COPG2: variants seen among roughly 807,000 people sequenced by gnomAD.
The protein encoded by COPG2 is coatomer subunit gamma-2.
Under a neutral mutation model 46.3 loss-of-function variants are expected in COPG2, and 37 were observed. That is an observed-to-expected ratio of 0.80 (90% CI 0.61 to 1.05). The LOEUF (loss-of-function observed/expected upper bound fraction) is 1.05. Ranked by LOEUF, COPG2 falls within the 50% of genes least tolerant of loss-of-function variation. The pLI is 0.00. For missense variants in COPG2, 427 were observed against 387.8 expected (o/e 1.10, Z -0.85); for synonymous variants, 159 against 129.7 (o/e 1.23, Z -1.53).
chr7:130,646,512 G>A lies in COPG2; in HGVS notation c.323+6357C>T, dbSNP rs549379966. On this transcript the variant is annotated intron_variant, in intron 5 of 23. Transcript: ENST00000425248. ...ATTATTTTCAAACGGATGTATTAGT[G>A]TCTCAAGCTAGTTACTGTTCGGACA... Among the ~76,000 whole-genome samples, 4 of 152,272 alleles carry A rather than the reference G, an allele frequency of 2.6e-5. No individual in the cohort carries two copies. In the East Asian group the frequency reaches 7.7e-4, roughly 29 times the overall value.
intron 9 of COPG2, among the ~76,000 whole-genome samples, chr7:130,606,240 AAGAGAG>A (rs145785936): frequency 1.3e-5 from 2 of 149,218 alleles, no homozygotes; most frequent in African/African-American, 5.0e-5. Context: ...AAAAAAAAGA[AAGAGAG>A]AGAGAGAGAG....
Position 130,509,229 on chromosome 7 carries a change from A to AAGTC in COPG2, c.2150-574_2150-571dup, listed in dbSNP as rs1799555686. 16 of 499,050 alleles carry AAGTC rather than the reference A, an allele frequency of 3.2e-5. 1 individual carries two copies. The highest frequency in any genetic ancestry group is 2.4e-4 in the South Asian group (16 of 67,534). 30.9% of individuals were successfully genotyped at this position (499,050 alleles called of 1,614,324 possible). On this transcript the variant is annotated intron_variant, in intron 20 of 23. Transcript: ENST00000425248. The stretch of plus-strand genomic sequence containing the variant: ...CAGTAATGAGTTTCTAGTATTGGTA[A>AAGTC]AGTCAGTGTCTTAAATGGAAAAGCA...
rs576600893 is a variant in COPG2, at chr7:130,662,043, A to G, written c.243+924T>C. 2.6e-5 allele frequency among the ~76,000 whole-genome samples: 4 copies of G among 152,316 alleles called. No homozygotes were observed. In the East Asian group the frequency reaches 7.7e-4, roughly 29 times the overall value. Reference sequence around the variant, plus strand: ...AATGGGGCCCTGAAAAGTAGAATGAAGATATATGGACAGACTCTGATGAAG... The same window carrying G: ...AATGGGGCCCTGAAAAGTAGAATGAGGATATATGGACAGACTCTGATGAAG... On this transcript the variant is annotated intron_variant, in intron 4 of 23. Transcript: ENST00000425248.
chr7:130,554,942 A>C, intron 13 of COPG2, 95 bp downstream of exon 13: 1 of 397,790 alleles, frequency 2.5e-6, no homozygotes, highest in Non-Finnish European at 4.4e-6. Context: ...AGGCATACTG[A>C]GATGATAAGG....
At chr7:130,585,356 T>C (rs1402990659) in intron 9 of COPG2, among the ~76,000 whole-genome samples, 1 of 152,068 alleles carries the variant, frequency 6.6e-6, no homozygotes, top group Non-Finnish European at 1.5e-5. Flanking sequence ...CCTGAAACTA[T>C]AAAAATCCTA....
intron 9 of COPG2, among the ~76,000 whole-genome samples, chr7:130,606,258 GAA>G (rs1180385592): frequency 6.9e-5 from 10 of 145,048 alleles, no homozygotes; most frequent in Non-Finnish European, 1.1e-4. Context: ...GAGAGAGAGA[GAA>G]AGAAAGAGAA....
intron 20 of COPG2, chr7:130,510,165 G>T (rs1554440848): frequency 7.7e-6 from 4 of 520,178 alleles, no homozygotes; most frequent in Non-Finnish European, 1.5e-5. Flanking sequence ...CACTGGTGGG[G>T]ACTATGAAGA....
intron 5 of COPG2, among the ~76,000 whole-genome samples, chr7:130,627,939 T>C (rs894733241): frequency 5.3e-5 from 8 of 152,200 alleles, no homozygotes; most frequent in African/African-American, 1.9e-4. Context: ...ACAACTGTAG[T>C]TGTAAAATTG....
At chr7:130,574,042 T>C (rs938155397) in intron 9 of COPG2, among the ~76,000 whole-genome samples, 20 of 152,156 alleles carry the variant, frequency 1.3e-4, no homozygotes, top group African/African-American at 3.6e-4. Flanking sequence ...GCTTTATATA[T>C]GAATGTTCAG....
chr7:130,583,175 T>C lies in COPG2; in HGVS notation c.738-18782A>G, dbSNP rs1209009007. On this transcript the variant is annotated intron_variant, in intron 9 of 23. Transcript: ENST00000425248. ...TGGAATACTATGCAGCCATAAAAAA[T>C]GATGAGTTCATGTTCTTTGTAGGGA... is the stretch of plus-strand genomic sequence containing the variant. 3.3e-5 allele frequency among the ~76,000 whole-genome samples: 5 copies of C among 151,062 alleles called. No individual in the cohort carries two copies. The East Asian group carries it at 7.8e-4, about 23-fold the overall frequency.
chr7:130,609,626 A>C (rs1554451743), intron 9 of COPG2, among the ~76,000 whole-genome samples: 1 of 152,148 alleles, frequency 6.6e-6, no homozygotes, highest in Non-Finnish European at 1.5e-5. Context: ...TCTGAGACTC[A>C]TTACACAAGT....
intron 9 of COPG2, among the ~76,000 whole-genome samples, chr7:130,603,083 A>G (rs1794666776): frequency 6.6e-6 from 1 of 152,216 alleles, no homozygotes; most frequent in Admixed American, 6.5e-5. Flanking sequence ...TGCAAAAATT[A>G]TATGGAAAAA....
At chr7:130,643,282 G>A (rs771125712) in intron 5 of COPG2, among the ~76,000 whole-genome samples, 4 of 150,404 alleles carry the variant, frequency 2.7e-5, no homozygotes, top group African/African-American at 9.8e-5. Context: ...GCGACAGAGC[G>A]AGACTGTGTC....
At chr7:130,519,844 T>C (rs940387337) in intron 20 of COPG2, among the ~76,000 whole-genome samples, 67,540 of 151,732 alleles carry the variant, frequency 0.45, 17,218 homozygotes, top group East Asian at 0.59. Context: ...AACTGTCAGA[T>C]TGCAGAAGAA....
intron 12 of COPG2, among the ~76,000 whole-genome samples, chr7:130,555,461 T>C (rs1266193404): frequency 6.6e-6 from 1 of 152,158 alleles, no homozygotes; most frequent in Non-Finnish European, 1.5e-5. Flanking sequence ...CTGACTTCCA[T>C]AGAAGAATAG....
At chr7:130,602,162 A>G (rs1040607670) in intron 9 of COPG2, among the ~76,000 whole-genome samples, 1 of 152,204 alleles carries the variant, frequency 6.6e-6, no homozygotes, top group Non-Finnish European at 1.5e-5. Context: ...TTTTGGTCCA[A>G]TATACCACAT....
intron 5 of COPG2, 84 bp from the exon 6 acceptor site, chr7:130,617,149 A>G: frequency 1.4e-6 from 1 of 724,536 alleles, no homozygotes; most frequent in Non-Finnish European, 2.3e-6. Context: ...CAATTGTCCC[A>G]TAATTATCTT....
chr7:130,577,763 G>A (rs1308972156), intron 9 of COPG2, among the ~76,000 whole-genome samples: 2 of 118,740 alleles, frequency 1.7e-5, no homozygotes, highest in East Asian at 2.3e-4. Flanking sequence ...GCGAGACTCC[G>A]TCTCAAAAAA....
rs1440679299 is a variant in COPG2, at chr7:130,550,639, G to C, written c.1659C>G (p.Val553=). Residue 553 remains valine, a synonymous_variant, in exon 17 of 24, where the codon GTC becomes GTG. Coordinates refer to ENST00000425248, the MANE Select transcript of COPG2 (RefSeq NM_012133.6). ...AGGCTTTTTCCATCCCTGGTACAGA[G>C]ACCGTCAAACCTGTGAAACATAGAG... ...NATYIFNGLT[V]SVPGMEKALH... is the part of the protein sequence containing the mutation. The C allele has an allele frequency of 5.0e-6, 2 of 397,702 alleles. No individual in the cohort carries two copies. Among genetic ancestry groups the C allele is most frequent in the East Asian group, 7.1e-5 (2 of 28,032 alleles). 24.6% of individuals were successfully genotyped at this position (397,702 alleles called of 1,614,324 possible). A position where few individuals can be genotyped will look rare whatever the true frequency, so the allele number is the denominator to read the frequency against.
Sources: gnomAD v4.1 joint callset for allele counts (sites outside exome capture counted in the v4.1 genomes callset) on GRCh38, gnomAD v4.1.1 for gene constraint, MANE v1.5 for transcripts, NCBI Gene and HGNC (gene_info 2026-07-23, HGNC 2026-07-21) for gene names.